The following TMEM132C variants were observed in gnomAD, a reference collection of about 807,000 sequenced individuals.
The protein encoded by TMEM132C is transmembrane protein 132C.
In TMEM132C, 29 loss-of-function variants were observed where a neutral mutation model predicts 61.4. That is an observed-to-expected ratio of 0.47 (90% confidence interval 0.35 to 0.64). The LOEUF (loss-of-function observed/expected upper bound fraction) is 0.64. TMEM132C is among the 30% of genes least tolerant of loss of function. The pLI, the probability that TMEM132C is intolerant of heterozygous loss-of-function variation, is 0.00. For missense variants in TMEM132C, 1,408 were observed against 1,476.9 expected (o/e 0.95, Z 0.76); for synonymous variants, 656 against 633.1 (o/e 1.04, Z -0.54).
At chr12:128,427,128 G>T (rs1025517169) in intron 2 of TMEM132C, among the ~76,000 whole-genome samples, 1 of 152,080 alleles carries the variant, frequency 6.6e-6, no homozygotes, top group Non-Finnish European at 1.5e-5. Flanking sequence ...TGGTCGTGTC[G>T]TTGCTCCAGG....
Position 128,705,925 on chromosome 12 carries a change from A to T in TMEM132C, c.2957A>T (p.Asp986Val). 6.4e-7 allele frequency: 1 copy of T among 1,551,202 alleles called. No individual in the cohort carries two copies. The highest frequency in any genetic ancestry group is 8.7e-7 in the Non-Finnish European group (1 of 1,146,922). The change falls in exon 9 of 9, where the codon GAT (aspartate) becomes GTT (valine). Residue 986 changes from aspartate (D) to valine (V), a missense_variant. Coordinates refer to ENST00000435159, the MANE Select transcript of TMEM132C (RefSeq NM_001136103.3). ...NEAELLESMGDAPPPQDEHTT... is the reference protein window; with the variant it reads ...NEAELLESMGVAPPPQDEHTT... ...GCCGAACTCCTGGAGAGCATGGGGG[A>T]TGCGCCGCCGCCCCAGGACGAGCAC... is the stretch of plus-strand genomic sequence containing the variant.
chr12:128,534,951 A>G (rs1451255900), intron 2 of TMEM132C, among the ~76,000 whole-genome samples: 3 of 152,238 alleles, frequency 2.0e-5, no homozygotes, highest in African/African-American at 7.2e-5. Flanking sequence ...AAATATTGAG[A>G]AAAATCCAAA....
chr12:128,690,391 G>A (rs188969385), intron 5 of TMEM132C, among the ~76,000 whole-genome samples: 16 of 152,308 alleles, frequency 1.1e-4, no homozygotes, highest in Admixed American at 9.8e-4. Flanking sequence ...CTTAGGAGAT[G>A]ATTAATGCAT....
At chr12:128,632,124 G>A (rs146118042) in intron 4 of TMEM132C, among the ~76,000 whole-genome samples, 11 of 152,332 alleles carry the variant, frequency 7.2e-5, no homozygotes, top group Admixed American at 1.3e-4. Context: ...TCAGGGGCAA[G>A]TGAGCTTCAA....
chr12:128,588,574 GGACT>G (rs201394218), intron 3 of TMEM132C, among the ~76,000 whole-genome samples: 1 of 150,232 alleles, frequency 6.7e-6, no homozygotes, highest in African/African-American at 2.5e-5. Flanking sequence ...TCAGTGCTAT[GGACT>G]GAGTGTTTGT....
intron 2 of TMEM132C, among the ~76,000 whole-genome samples, chr12:128,491,044 T>G (rs779568153): frequency 1.3e-5 from 2 of 151,588 alleles, no homozygotes; most frequent in South Asian, 4.2e-4. Context: ...GAGTAAGGAG[T>G]GGAGTTGAGA....
rs146786742 is a variant in TMEM132C at position 128,622,108 on chromosome 12, C to T, written c.1305+5773C>T. 6.1e-3 allele frequency among the ~76,000 whole-genome samples: 925 copies of T among 151,872 alleles called. 9 individuals are homozygous for T. The highest frequency in any genetic ancestry group is 0.021 in the African/African-American group (865 of 41,418). ...CCTATAATCCCAGCACTTTGGGAAG[C>T]TGAGGTGGGCGAATCAACTGAGGTC... On this transcript the variant is annotated intron_variant, in intron 4 of 8. Coordinates refer to ENST00000435159, the MANE Select transcript of TMEM132C (RefSeq NM_001136103.3).
intron 2 of TMEM132C, among the ~76,000 whole-genome samples, chr12:128,446,500 C>T (rs1265091446): frequency 6.6e-6 from 1 of 152,238 alleles, no homozygotes; most frequent in Non-Finnish European, 1.5e-5. Context: ...GTTGTCCATT[C>T]TCCCTTTTTC....
chr12:128,552,177 C>T (rs961711145), intron 3 of TMEM132C, among the ~76,000 whole-genome samples: 3 of 152,214 alleles, frequency 2.0e-5, no homozygotes, highest in African/African-American at 4.8e-5. Context: ...TCACTTCAAC[C>T]GGTTCACTTA....
intron 3 of TMEM132C, among the ~76,000 whole-genome samples, chr12:128,615,354 C>G (rs1876765590): frequency 6.6e-6 from 1 of 152,100 alleles, no homozygotes; most frequent in Non-Finnish European, 1.5e-5. Context: ...CAGCTTATTT[C>G]TATTATTATT....
intron 5 of TMEM132C, among the ~76,000 whole-genome samples, chr12:128,686,079 G>A (rs936663075): frequency 1.1e-4 from 4 of 37,218 alleles, no homozygotes; most frequent in African/African-American, 2.2e-4. Context: ...GCGTGTGTGC[G>A]CATGTGTGTT....
chr12:128,271,250 T>C (rs1870503246), intron 1 of TMEM132C, among the ~76,000 whole-genome samples: 1 of 147,018 alleles, frequency 6.8e-6, no homozygotes, highest in African/African-American at 2.5e-5. Flanking sequence ...TAAGACTTGG[T>C]CTCAAAATAA....
intron 3 of TMEM132C, among the ~76,000 whole-genome samples, chr12:128,582,899 C>T (rs1875398363): frequency 6.6e-6 from 1 of 152,158 alleles, no homozygotes; most frequent in African/African-American, 2.4e-5. Flanking sequence ...CTCGGCCTCC[C>T]AAAGTGCTGA....
At chr12:128,288,371 A>G (rs1302876249) in intron 1 of TMEM132C, 2 of 151,968 alleles carry the variant, frequency 1.3e-5, no homozygotes, top group African/African-American at 4.8e-5. Context: ...TCTTACTTTT[A>G]ATGTCCCCAT....
rs547446655 is a variant in TMEM132C, at chr12:128,380,471, G to A, written c.86-34261G>A. Reference sequence around the variant, plus strand: ...ATGCAACAGGATGTTAAATAATAAGGGAGCAAGATGTATTATTTGAGCATC... The same window carrying A: ...ATGCAACAGGATGTTAAATAATAAGAGAGCAAGATGTATTATTTGAGCATC... On this transcript the variant is annotated intron_variant, in intron 1 of 8. Transcript: ENST00000435159. Among the ~76,000 whole-genome samples, 8 of 152,306 alleles carry A rather than the reference G, an allele frequency of 5.3e-5. No homozygotes were observed. In the East Asian group the frequency reaches 1.2e-3, roughly 22 times the overall value.
chr12:128,389,363 G>GGGACAGAC (rs1368085575), intron 1 of TMEM132C, among the ~76,000 whole-genome samples: 5 of 152,134 alleles, frequency 3.3e-5, no homozygotes, highest in Non-Finnish European at 5.9e-5. Context: ...GAGGTGGATG[G>GGGACAGAC]GGACAGACGG....
Position 128,309,537 on chromosome 12 carries a change from C to T in TMEM132C, c.85+42050C>T, listed in dbSNP as rs117464952. Among the ~76,000 whole-genome samples, 63 of 152,220 alleles carry T rather than the reference C, an allele frequency of 4.1e-4. 1 individual carries two copies. In the East Asian group the frequency reaches 0.01, roughly 24 times the overall value. On this transcript the variant is annotated intron_variant, in intron 1 of 8. Coordinates refer to ENST00000435159, the MANE Select transcript of TMEM132C (RefSeq NM_001136103.3). ...CATACCCATTTAATCCGTCACTCTC[C>T]ATTCCGTTTTCCTCCAGCCCCTGGC...
At position 128,603,554 on chromosome 12, in the gene TMEM132C, C is replaced by T. The variant is rs376646524; in HGVS notation, c.1122-12598C>T. 3.9e-4 allele frequency among the ~76,000 whole-genome samples: 60 copies of T among 152,208 alleles called. 1 individual carries two copies. The East Asian group carries it at 6.6e-3, about 17-fold the overall frequency. On this transcript the variant is annotated intron_variant, in intron 3 of 8. Transcript: ENST00000435159. The stretch of plus-strand genomic sequence containing the variant: ...AGTCTGGCCAGGAGTGGATGCTGGG[C>T]GGAGGGCTTGGTGAGTATTCTTCCC...
chr12:128,648,321 G>A (rs1954231705), intron 4 of TMEM132C, among the ~76,000 whole-genome samples: 1 of 151,280 alleles, frequency 6.6e-6, no homozygotes. Context: ...GGAAGTGAGT[G>A]TGTTTACTGG....
Sources: allele counts gnomAD v4.1 joint callset (sites outside exome capture counted in the v4.1 genomes callset), GRCh38; gene constraint gnomAD v4.1.1; transcripts MANE v1.5; gene names NCBI Gene and HGNC (gene_info 2026-07-23, HGNC 2026-07-21).